EVA1A: variants seen among roughly 807,000 people sequenced by gnomAD.
EVA1A encodes eva-1 homolog A, regulator of programmed cell death.
EVA1A carries 7 observed loss-of-function variants against 9.8 expected under a neutral mutation model. That is an observed-to-expected ratio of 0.71 (90% CI 0.41 to 1.34). The LOEUF (loss-of-function observed/expected upper bound fraction) is 1.34, where lower values mean the gene tolerates loss of function less well. Among genes scored for constraint, EVA1A ranks in the 40% most tolerant of loss-of-function variants. The pLI is 0.01. For missense variants in EVA1A, 206 were observed against 205.9 expected, an observed-to-expected ratio of 1.00 and a Z score of 0.00; for synonymous variants, 90 against 85.6, an observed-to-expected ratio of 1.05 and a Z score of -0.28.
intron 1 of EVA1A, among the ~76,000 whole-genome samples, chr2:75,525,029 C>T (rs1196396001): frequency 6.6e-6 from 1 of 151,800 alleles, no homozygotes; most frequent in Non-Finnish European, 1.5e-5. Context: ...CCTTCTTGCC[C>T]CATATACAAA....
At position 75,567,425 on chromosome 2, in the gene EVA1A, C is replaced by T. The variant is rs570489890; in HGVS notation, c.-192+2051G>A. 9.1e-4 allele frequency among the ~76,000 whole-genome samples: 138 copies of T among 152,302 alleles called. No homozygotes were observed. The South Asian group carries it at 0.028, about 31-fold the overall frequency. On this transcript the variant is annotated intron_variant, in intron 1 of 3. Coordinates refer to the EVA1A transcript ENST00000233712. ...CATTATGAGACTGCCTGCAACTCTT[C>T]CAAATTCCTCAAAGACTTATTTTCT...
intron 1 of EVA1A, among the ~76,000 whole-genome samples, chr2:75,538,957 T>C (rs938341175): frequency 2.6e-5 from 4 of 152,228 alleles, no homozygotes; most frequent in African/African-American, 9.6e-5. Context: ...GGTTGTGATA[T>C]TGTAGCACAG....
chr2:75,558,451 A>G (rs182626097), intron 1 of EVA1A: 1 of 152,370 alleles, frequency 6.6e-6, no homozygotes, highest in East Asian at 1.9e-4. Flanking sequence ...GATTCTAAGT[A>G]TGTAAGACCA....
At chr2:75,552,246 C>A (rs771753352) in intron 1 of EVA1A, among the ~76,000 whole-genome samples, 1 of 151,984 alleles carries the variant, frequency 6.6e-6, no homozygotes, top group Non-Finnish European at 1.5e-5. Flanking sequence ...GAATGTCAAA[C>A]CTAGAAAACA....
chr2:75,559,697 TGG>T (rs36059976), intron 1 of EVA1A, among the ~76,000 whole-genome samples: 16 of 78,850 alleles, frequency 2.0e-4, no homozygotes, highest in East Asian at 1.7e-3. Context: ...AGAAAGGAGG[TGG>T]GGGGGGGGCG....
intron 1 of EVA1A, among the ~76,000 whole-genome samples, chr2:75,568,710 A>G (rs1677072534): frequency 6.6e-6 from 1 of 152,166 alleles, no homozygotes; most frequent in African/African-American, 2.4e-5. Context: ...AGCATACAAT[A>G]TTTGGTTTTC....
intron 3 of EVA1A, among the ~76,000 whole-genome samples, chr2:75,516,477 A>G (rs1675009614): frequency 6.6e-6 from 1 of 152,096 alleles, no homozygotes; most frequent in South Asian, 2.1e-4. Flanking sequence ...AGGAAGGAGG[A>G]AGTTTGGAGG....
chr2:75,562,319 G>A (rs770980570), upstream of EVA1A, among the ~76,000 whole-genome samples: 5 of 152,134 alleles, frequency 3.3e-5, no homozygotes, highest in Non-Finnish European at 7.3e-5. Flanking sequence ...GTCTGGGGTG[G>A]AGCTCCCACA....
intron 3 of EVA1A, among the ~76,000 whole-genome samples, chr2:75,501,114 G>A (rs1024632497): frequency 1.3e-5 from 2 of 151,456 alleles, no homozygotes; most frequent in Non-Finnish European, 2.9e-5. Context: ...TTCCACAGGA[G>A]CCTTTAGTCC....
At chr2:75,516,788 T>C (rs1052142272) in intron 3 of EVA1A, among the ~76,000 whole-genome samples, 1 of 152,256 alleles carries the variant, frequency 6.6e-6, no homozygotes, top group Non-Finnish European at 1.5e-5. Flanking sequence ...ACTACAGAGC[T>C]AAGGAAATTA....
intron 3 of EVA1A, among the ~76,000 whole-genome samples, chr2:75,512,850 A>G (rs1674865079): frequency 6.6e-6 from 1 of 152,170 alleles, no homozygotes; most frequent in Admixed American, 6.5e-5. Flanking sequence ...TGACACCCCA[A>G]AATACCTCCA....
Position 75,518,274 on chromosome 2 carries a change from C to T in EVA1A, c.-68-66G>A, listed in dbSNP as rs1251226633. 6.3e-6 allele frequency: 9 copies of T among 1,436,586 alleles called. No individual in the cohort carries two copies. In the Admixed American group the frequency reaches 8.3e-5, roughly 13 times the overall value. 89.0% of individuals were successfully genotyped at this position (1,436,586 alleles called of 1,614,324 possible). A position where few individuals can be genotyped will look rare whatever the true frequency, so the allele number is the denominator to read the frequency against. On this transcript the variant is annotated intron_variant, in intron 2 of 3. Coordinates refer to ENST00000393913, the MANE Select transcript of EVA1A (RefSeq NM_001135032.2). The stretch of plus-strand genomic sequence containing the variant: ...TGTCCTGAGGCCATGTTCCAGGTAG[C>T]CTGGACTCCTAAAGACATATTTTTG...
intron 3 of EVA1A, among the ~76,000 whole-genome samples, chr2:75,503,236 C>T (rs938922785): frequency 6.6e-6 from 1 of 152,090 alleles, no homozygotes; most frequent in East Asian, 1.9e-4. Context: ...AACTGGAGCT[C>T]CAAGGTGATT....
chr2:75,507,006 C>T (rs1053880620), intron 3 of EVA1A, among the ~76,000 whole-genome samples: 1 of 152,198 alleles, frequency 6.6e-6, no homozygotes, highest in Non-Finnish European at 1.5e-5. Context: ...AAGGCTAATG[C>T]CTGTCCACAC....
chr2:75,533,590 C>T (rs6760634), intron 1 of EVA1A, among the ~76,000 whole-genome samples: 31,562 of 151,866 alleles, frequency 0.21, 3,441 homozygotes, highest in East Asian at 0.29. Context: ...CATGAGTTTT[C>T]GTATTTAACA....
At chr2:75,498,801 CTTTTT>C (rs35246724) in intron 3 of EVA1A, among the ~76,000 whole-genome samples, 1,635 of 147,302 alleles carry the variant, frequency 0.011, 29 homozygotes, top group African/African-American at 0.038. Context: ...CCACACACAC[CTTTTT>C]TTTTTTTTTT....
chr2:75,551,607 A>G (rs1197982782), intron 1 of EVA1A, among the ~76,000 whole-genome samples: 1 of 152,188 alleles, frequency 6.6e-6, no homozygotes. Context: ...CATGCCTGGC[A>G]TCCTGATAGC....
chr2:75,548,982 A>AT, intron 1 of EVA1A, among the ~76,000 whole-genome samples: 1 of 109,064 alleles, frequency 9.2e-6, no homozygotes, highest in Non-Finnish European at 1.8e-5. Flanking sequence ...GCTAAATGAA[A>AT]AATATATATA....
At chr2:75,498,415 A>C (rs1462751920) in intron 3 of EVA1A, among the ~76,000 whole-genome samples, 1 of 152,132 alleles carries the variant, frequency 6.6e-6, no homozygotes, top group Non-Finnish European at 1.5e-5. Context: ...TCATTCGTAC[A>C]CCAAACCTCA....
Sources: allele counts gnomAD v4.1 joint callset (sites outside exome capture counted in the v4.1 genomes callset), GRCh38; gene constraint gnomAD v4.1.1; transcripts MANE v1.5; gene names NCBI Gene and HGNC (gene_info 2026-07-23, HGNC 2026-07-21).